The following CCBE1 variants were observed in gnomAD, a reference collection of about 807,000 sequenced individuals.
CCBE1 encodes collagen and calcium-binding EGF domain-containing protein 1.
A neutral mutation model predicts 50.0 loss-of-function variants in CCBE1; 37 were observed. The ratio of observed to expected loss-of-function variants is 0.74; its 90% confidence interval spans 0.57 to 0.97. CCBE1 has a LOEUF of 0.97. Ranked by LOEUF, CCBE1 falls within the 50% of genes least tolerant of loss-of-function variation. CCBE1 has a pLI of 0.00. For synonymous variants in CCBE1, 234 were observed against 203.7 expected (o/e 1.15, Z -1.27); for missense variants, 538 against 523.8 (o/e 1.03, Z -0.26).
At chr18:59,673,156 A>T (rs1484569756) in intron 2 of CCBE1, among the ~76,000 whole-genome samples, 2 of 152,200 alleles carry the variant, frequency 1.3e-5, no homozygotes, top group Non-Finnish European at 2.9e-5. Context: ...GAGGATTAAA[A>T]ATAGTTTGTT....
At chr18:59,593,629 C>A (rs1429380910) in intron 2 of CCBE1, among the ~76,000 whole-genome samples, 1 of 152,188 alleles carries the variant, frequency 6.6e-6, no homozygotes, top group African/African-American at 2.4e-5. Context: ...ATTTTGTGAA[C>A]TCCCTGGACA....
chr18:59,654,071 T>C (rs1458035515), intron 2 of CCBE1, among the ~76,000 whole-genome samples: 1 of 152,212 alleles, frequency 6.6e-6, no homozygotes, highest in Non-Finnish European at 1.5e-5. Context: ...AGATTAGCAT[T>C]ATAATTAATG....
chr18:59,455,531 A>C (rs1911151050), intron 5 of CCBE1, among the ~76,000 whole-genome samples: 2 of 152,192 alleles, frequency 1.3e-5, no homozygotes, highest in South Asian at 4.1e-4. Context: ...GGGCCCAACC[A>C]CTGCAAAGGG....
Position 59,567,755 on chromosome 18 carries a change from A to G in CCBE1, c.213-87517T>C, listed in dbSNP as rs547372715. ...TGCCAACTACGTGACTTTGCTCACT[A>G]CCACCACCACACTGTTCTGTTACTG... is the stretch of plus-strand genomic sequence containing the variant. On this transcript the variant is annotated intron_variant, in intron 2 of 10. Coordinates refer to ENST00000439986, the MANE Select transcript of CCBE1 (RefSeq NM_133459.4). Among the ~76,000 whole-genome samples the G allele has an allele frequency of 2.3e-3, 357 of 152,212 alleles. 2 individuals carry two copies. The highest frequency in any genetic ancestry group is 1.8e-3 in the Non-Finnish European group (123 of 68,018).
intron 3 of CCBE1, among the ~76,000 whole-genome samples, chr18:59,476,588 TC>T (rs1374142608): frequency 3.9e-5 from 6 of 152,230 alleles, no homozygotes; most frequent in African/African-American, 1.4e-4. Context: ...TTGACTGTGT[TC>T]CAATAAACCT....
intron 3 of CCBE1, among the ~76,000 whole-genome samples, chr18:59,474,133 C>T (rs1211053582): frequency 1.3e-5 from 2 of 152,070 alleles, no homozygotes; most frequent in African/African-American, 4.8e-5. Flanking sequence ...TTATCCAATC[C>T]ACTACTATGG....
At chr18:59,486,088 A>T (rs541274445) in intron 2 of CCBE1, among the ~76,000 whole-genome samples, 1 of 152,130 alleles carries the variant, frequency 6.6e-6, no homozygotes, top group African/African-American at 2.4e-5. Context: ...TTGCTCCTTA[A>T]TCTTGGCCTT....
chr18:59,486,234 A>AT (rs1183948599), intron 2 of CCBE1, among the ~76,000 whole-genome samples: 1 of 152,190 alleles, frequency 6.6e-6, no homozygotes, highest in African/African-American at 2.4e-5. Context: ...TGCAGTCAGA[A>AT]TATGTTCTAG....
chr18:59,553,855 A>G (rs1257054759), intron 2 of CCBE1, among the ~76,000 whole-genome samples: 1 of 152,248 alleles, frequency 6.6e-6, no homozygotes, highest in Non-Finnish European at 1.5e-5. Flanking sequence ...TAGTTCTGCA[A>G]GTGTAATTAA....
chr18:59,534,107 A>G (rs990334268), intron 2 of CCBE1, among the ~76,000 whole-genome samples: 1 of 136,982 alleles, frequency 7.3e-6, no homozygotes, highest in Non-Finnish European at 1.6e-5. Context: ...TACATGGAAG[A>G]CTATAGATTA....
At chr18:59,443,026 C>T (rs1040078149) in intron 7 of CCBE1, among the ~76,000 whole-genome samples, 1 of 152,066 alleles carries the variant, frequency 6.6e-6, no homozygotes, top group Non-Finnish European at 1.5e-5. Context: ...TTTTCAGAGG[C>T]CTGTATCGAC....
intron 2 of CCBE1, among the ~76,000 whole-genome samples, chr18:59,648,125 AAC>A (rs1033864143): frequency 3.3e-5 from 5 of 152,220 alleles, no homozygotes; most frequent in African/African-American, 1.2e-4. Context: ...CTCCCCATAA[AAC>A]ACAGGGAGCT....
intron 2 of CCBE1, among the ~76,000 whole-genome samples, chr18:59,684,166 T>C (rs893929937): frequency 6.6e-6 from 1 of 152,150 alleles, no homozygotes; most frequent in African/African-American, 2.4e-5. Flanking sequence ...TCCACTCAGA[T>C]CCTCTCATGC....
intron 2 of CCBE1, among the ~76,000 whole-genome samples, chr18:59,588,874 C>T (rs1266212999): frequency 6.6e-6 from 1 of 152,190 alleles, no homozygotes; most frequent in Non-Finnish European, 1.5e-5. Context: ...CCCCTGATGC[C>T]CCCTCGGGAG....
intron 2 of CCBE1, among the ~76,000 whole-genome samples, chr18:59,643,425 T>C (rs12957528): frequency 0.44 from 66,477 of 152,016 alleles, 16,446 homozygotes; most frequent in Non-Finnish European, 0.56. Flanking sequence ...ACACTCGATA[T>C]CCCAAATGTG....
At chr18:59,488,725 A>T (rs1286680939) in intron 2 of CCBE1, among the ~76,000 whole-genome samples, 1 of 152,082 alleles carries the variant, frequency 6.6e-6, no homozygotes, top group Admixed American at 6.5e-5. Context: ...CAATTTCCTC[A>T]TCTGTAAAAT....
intron 2 of CCBE1, among the ~76,000 whole-genome samples, chr18:59,553,542 C>A (rs994709665): frequency 3.3e-5 from 5 of 152,218 alleles, no homozygotes; most frequent in African/African-American, 1.2e-4. Flanking sequence ...TTGATAGTGC[C>A]TTTTCAATAG....
intron 6 of CCBE1, among the ~76,000 whole-genome samples, chr18:59,449,481 G>A (rs975900831): frequency 1.3e-5 from 2 of 152,066 alleles, no homozygotes; most frequent in African/African-American, 2.4e-5. Flanking sequence ...AATTAGCTAG[G>A]CATGGTGGTG....
At chr18:59,627,687 C>A (rs554718798) in intron 2 of CCBE1, among the ~76,000 whole-genome samples, 3 of 152,156 alleles carry the variant, frequency 2.0e-5, no homozygotes, top group African/African-American at 7.2e-5. Flanking sequence ...AGTCAAGGAA[C>A]GCCAAAGCTT....
Sources: gnomAD v4.1 joint callset for allele counts (sites outside exome capture counted in the v4.1 genomes callset) on GRCh38, gnomAD v4.1.1 for gene constraint, MANE v1.5 for transcripts, NCBI Gene and HGNC (gene_info 2026-07-23, HGNC 2026-07-21) for gene names.